Variants in KIF1A observed in about 807,000 individuals in gnomAD.
KIF1A encodes kinesin family member 1A.
In KIF1A, 46 loss-of-function variants were observed where a neutral mutation model predicts 227.3. The observed-to-expected ratio is 0.20, with a 90% CI of 0.16 to 0.26. The LOEUF is 0.26. Ranked by LOEUF, KIF1A falls within the 10% of genes least tolerant of loss-of-function variation. The pLI is 1.00. For missense variants in KIF1A, 1,683 were observed against 2,485.9 expected (o/e 0.68, Z 6.87); for synonymous variants, 1,022 against 1,012.8 (o/e 1.01, Z -0.17).
At chr2:240,729,713 C>T (rs925335160) in intron 38 of KIF1A, among the ~76,000 whole-genome samples, 10 of 152,374 alleles carry the variant, frequency 6.6e-5, no homozygotes, top group Middle Eastern at 3.4e-3. Flanking sequence ...TGTGGCTTTG[C>T]CCTGCTCAGA....
chr2:240,719,192 G>A lies in KIF1A; in HGVS notation c.5028C>T (p.Ile1676=), dbSNP rs369233025. 4.4e-6 allele frequency: 7 copies of A among 1,604,282 alleles called. No individual in the cohort carries two copies. The highest frequency in any genetic ancestry group is 1.7e-5 in the Admixed American group (1 of 58,974). ...PDIQEIRVSP[I]VSKKGYLHFL... ...AGTGCAGGTACCCCTTCTTGGAAACGATCGGGCTGAAGGCAGAGAGAGCTG... is the reference window on the plus strand; with the variant it reads ...AGTGCAGGTACCCCTTCTTGGAAACAATCGGGCTGAAGGCAGAGAGAGCTG... Residue 1676 remains isoleucine (I), a synonymous_variant, in exon 47 of 49, where the codon ATC becomes ATT. Coordinates refer to ENST00000498729, the MANE Select transcript of KIF1A (RefSeq NM_001244008.2).
intron 8 of KIF1A, 127 bp downstream of exon 8, chr2:240,783,612 C>T (rs1483741838): frequency 1.4e-6 from 1 of 690,930 alleles, no homozygotes; most frequent in African/African-American, 1.8e-5. Flanking sequence ...CCTATGCCCA[C>T]CCTCCCTATG....
intron 10 of KIF1A, among the ~76,000 whole-genome samples, chr2:240,779,767 G>C (rs567960403): frequency 6.6e-6 from 1 of 151,930 alleles, no homozygotes; most frequent in African/African-American, 2.4e-5. Flanking sequence ...GTTCCCCACA[G>C]TTCCCACACT....
intron 1 of KIF1A, among the ~76,000 whole-genome samples, chr2:240,805,023 A>AAGGGG (rs1369319573): frequency 7.1e-6 from 1 of 140,452 alleles, no homozygotes. Context: ...AAGGGAAGGG[A>AAGGGG]AGGGGAGGGG....
chr2:240,809,578 C>T (rs1320086020), intron 1 of KIF1A, among the ~76,000 whole-genome samples: 1 of 152,080 alleles, frequency 6.6e-6, no homozygotes, highest in Non-Finnish European at 1.5e-5. Flanking sequence ...CAAATAAATT[C>T]CATGTGGATT....
chr2:240,768,363 C>G (rs1460504417), intron 17 of KIF1A, among the ~76,000 whole-genome samples: 2 of 152,244 alleles, frequency 1.3e-5, no homozygotes, highest in African/African-American at 2.4e-5. Flanking sequence ...CTCCCTACAG[C>G]TCTTCTCAGG....
intron 38 of KIF1A, among the ~76,000 whole-genome samples, chr2:240,733,322 C>G (rs1328629466): frequency 6.6e-6 from 1 of 152,072 alleles, no homozygotes; most frequent in Admixed American, 6.5e-5. Context: ...GACTCCAGGA[C>G]TAGCTAGCAC....
chr2:240,771,191 A>T, intron 14 of KIF1A, 87 bp from the exon 15 acceptor site: 5 of 1,500,786 alleles, frequency 3.3e-6, no homozygotes, highest in East Asian at 2.3e-5. Context: ...TATGGGGAGG[A>T]GGGGTAGGGC....
rs143621131 is a variant in KIF1A at position 240,798,331 on chromosome 2, C to T, written c.-60-519G>A. On this transcript the variant is annotated intron_variant, in intron 1 of 48. Coordinates refer to ENST00000498729, the MANE Select transcript of KIF1A (RefSeq NM_001244008.2). ...TCTGAATTAGCAAGAAAGAACTTTA[C>T]TCAGAAATGAAAAGAACAGCACAGA... 3.0e-3 allele frequency among the ~76,000 whole-genome samples: 454 copies of T among 152,372 alleles called. 1 individual carries two copies. Among genetic ancestry groups the T allele is most frequent in the Middle Eastern group, 0.01 (3 of 294 alleles).
At chr2:240,805,184 A>G (rs2057319840) in intron 1 of KIF1A, among the ~76,000 whole-genome samples, 1 of 147,962 alleles carries the variant, frequency 6.8e-6, no homozygotes. Context: ...GGAAGGGAGA[A>G]GAAAGAGAAA....
At chr2:240,731,682 G>A (rs1361601380) in intron 38 of KIF1A, among the ~76,000 whole-genome samples, 2 of 152,268 alleles carry the variant, frequency 1.3e-5, no homozygotes, top group Admixed American at 6.5e-5. Flanking sequence ...CTCCTTTTGT[G>A]CCCCCAGCTC....
At chr2:240,794,140 G>A (rs1223918445) in intron 2 of KIF1A, among the ~76,000 whole-genome samples, 1 of 152,184 alleles carries the variant, frequency 6.6e-6, no homozygotes, top group Admixed American at 6.5e-5. Context: ...TCAACCTCCA[G>A]GAGAAAAGCC....
Position 240,786,803 on chromosome 2 carries a change from G to A in KIF1A, c.430-290C>T, listed in dbSNP as rs989719304. 0.038 allele frequency among the ~76,000 whole-genome samples: 1,645 copies of A among 42,954 alleles called. 96 individuals carry two copies. Among genetic ancestry groups the A allele is most frequent in the African/African-American group, 0.11 (887 of 7,870 alleles). The allele number at this position is 42,954 out of a possible 152,430, so 28.2% of individuals were successfully genotyped here. On this transcript the variant is annotated intron_variant, in intron 5 of 48. Transcript: ENST00000498729. Reference sequence around the variant, plus strand: ...ACCCCTGAGTGAGGGGGTGGGGGCTGCCATCAGGACCCCTGAGTGAGAGGG... The same window carrying A: ...ACCCCTGAGTGAGGGGGTGGGGGCTACCATCAGGACCCCTGAGTGAGAGGG...
At chr2:240,805,552 G>A (rs1438417571) in intron 1 of KIF1A, among the ~76,000 whole-genome samples, 4 of 152,022 alleles carry the variant, frequency 2.6e-5, no homozygotes, top group African/African-American at 9.7e-5. Context: ...ATCATGACAG[G>A]GATTTTAACA....
At chr2:240,798,693 C>T (rs1242305542) in intron 1 of KIF1A, among the ~76,000 whole-genome samples, 1 of 152,236 alleles carries the variant, frequency 6.6e-6, no homozygotes, top group East Asian at 1.9e-4. Context: ...TGTGAAAGGT[C>T]TTTCCGGGCT....
In KIF1A at chr2:240,717,138, T is replaced by C; in HGVS notation, c.*226A>G. On this transcript the variant is annotated 3_prime_UTR_variant, in exon 49 of 49. Transcript: ENST00000498729. ...GGCCCCCCCAGCCTCTCCCAACTTGTTCCACCAGAGCACATTCTGCAAGAA... is the reference window on the plus strand; with the variant it reads ...GGCCCCCCCAGCCTCTCCCAACTTGCTCCACCAGAGCACATTCTGCAAGAA... 1 of 488,136 alleles carries C rather than the reference T, an allele frequency of 2.0e-6. No individual in the cohort carries two copies. 30.2% of individuals were successfully genotyped at this position (488,136 alleles called of 1,614,324 possible).
At position 240,757,264 on chromosome 2, in the gene KIF1A, C is replaced by A; in HGVS notation, c.2858+55G>T. 1.3e-6 allele frequency: 2 copies of A among 1,497,726 alleles called. No individual in the cohort carries two copies. The highest frequency in any genetic ancestry group is 2.0e-5 in the Admixed American group (1 of 50,360). 92.8% of individuals were successfully genotyped at this position (1,497,726 alleles called of 1,614,324 possible). A position where few individuals can be genotyped will look rare whatever the true frequency, so the allele number is the denominator to read the frequency against. On this transcript the variant is annotated intron_variant, in intron 27 of 48. Coordinates refer to ENST00000498729, the MANE Select transcript of KIF1A (RefSeq NM_001244008.2). The surrounding 1 kb of genome is among the most constrained non-coding windows in gnomAD (Gnocchi z 6.2). ...CGGTTCCTCTGTGCCCGCAGCAGTG[C>A]TCCTGTGCAAAAGAGCTGGGTCCTC...
Position 240,752,370 on chromosome 2 carries a change from C to T in KIF1A, c.2859-1823G>A, listed in dbSNP as rs371510336. 1.8e-4 allele frequency among the ~76,000 whole-genome samples: 27 copies of T among 152,270 alleles called. 1 individual carries two copies. Among genetic ancestry groups the T allele is most frequent in the Admixed American group, 9.1e-4 (14 of 15,308 alleles). ...GGACACTGAGGCCCACAGGGCGGGG[C>T]CCCTCCCCACAGTCCTGCTGGGTGC... is the stretch of plus-strand genomic sequence containing the variant. On this transcript the variant is annotated intron_variant, in intron 27 of 48. Coordinates refer to ENST00000498729, the MANE Select transcript of KIF1A (RefSeq NM_001244008.2). The surrounding 1 kb of genome is among the most constrained non-coding windows in gnomAD (Gnocchi z 6.4).
At chr2:240,721,673 C>T in intron 44 of KIF1A, 134 bp downstream of exon 44, 3 of 750,540 alleles carry the variant, frequency 4.0e-6, no homozygotes, top group East Asian at 2.7e-5. Context: ...TGAGGTGTCC[C>T]TCTGCACTGA....
Sources: gnomAD v4.1 joint callset for allele counts (sites outside exome capture counted in the v4.1 genomes callset) on GRCh38, gnomAD v4.1.1 for gene constraint, Gnocchi (gnomAD v3.1) non-coding constraint, MANE v1.5 for transcripts, NCBI Gene and HGNC (gene_info 2026-07-23, HGNC 2026-07-21) for gene names.